Variants in CACNG6 observed in about 807,000 individuals in gnomAD.
CACNG6 encodes the protein voltage-dependent calcium channel gamma-6 subunit.
Under a neutral mutation model 23.9 loss-of-function variants are expected in CACNG6, and 21 were observed. That is an observed-to-expected ratio of 0.88 (90% confidence interval 0.62 to 1.26). The LOEUF (loss-of-function observed/expected upper bound fraction) is 1.26, where lower values mean the gene tolerates loss of function less well. CACNG6 is among the 50% of genes most tolerant of loss of function. CACNG6 has a pLI of 0.00. For missense variants in CACNG6, 340 were observed against 352.9 expected (o/e 0.96, Z 0.29); for synonymous variants, 182 against 168.9 (o/e 1.08, Z -0.60).
At chr19:54,004,776 C>T (rs1340562530) in intron 3 of CACNG6, among the ~76,000 whole-genome samples, 1 of 152,086 alleles carries the variant, frequency 6.6e-6, no homozygotes, top group Non-Finnish European at 1.5e-5. Flanking sequence ...GTTCTTCCGC[C>T]GGCGCTTCAC....
At chr19:54,003,597 G>T (rs1185018417) in intron 3 of CACNG6, among the ~76,000 whole-genome samples, 1 of 152,082 alleles carries the variant, frequency 6.6e-6, no homozygotes, top group East Asian at 1.9e-4. Flanking sequence ...CTGACCTCAG[G>T]TGATCCACCT....
intron 3 of CACNG6, among the ~76,000 whole-genome samples, chr19:54,008,558 G>C (rs1004610705): frequency 6.6e-6 from 1 of 151,852 alleles, no homozygotes; most frequent in Non-Finnish European, 1.5e-5. Context: ...TTCCATTACC[G>C]CCTCTCTCCC....
At chr19:53,995,837 T>C (rs557935016) in intron 1 of CACNG6, among the ~76,000 whole-genome samples, 2 of 152,286 alleles carry the variant, frequency 1.3e-5, no homozygotes, top group South Asian at 4.1e-4. Context: ...AATTTTTGTA[T>C]TTTTAGTAGA....
rs2069721360 is a variant in CACNG6 at position 54,012,002 on chromosome 19, T to C, written c.596T>C (p.Leu199Pro). ...GTGTTCCGGCATTCCGTGAGGGCCCTGCTGCAGAGAGTCAGCCCGGAGCCT... is the reference window on the plus strand; with the variant it reads ...GTGTTCCGGCATTCCGTGAGGGCCCCGCTGCAGAGAGTCAGCCCGGAGCCT... ...LEVFRHSVRA[L>P]LQRVSPEPPP... The change falls in exon 4 of 4, where the codon CTG (leucine) becomes CCG (proline). Residue 199 changes from leucine (L) to proline (P), a missense_variant. Physicochemically the swap from Leu to Pro is moderately conservative, Grantham distance 98. Transcript: ENST00000252729. 6.2e-7 allele frequency: 1 copy of C among 1,601,560 alleles called. No individual in the cohort carries two copies. Among genetic ancestry groups the C allele is most frequent in the East Asian group, 2.3e-5 (1 of 43,132 alleles).
chr19:53,993,270 C>T lies in CACNG6; in HGVS notation c.331+62C>T, dbSNP rs535906234. 1.7e-4 allele frequency: 244 copies of T among 1,463,462 alleles called. No individual in the cohort carries two copies. The African/African-American group carries it at 3.0e-3, about 18-fold the overall frequency. The allele number at this position is 1,463,462 out of a possible 1,614,324, so 90.7% of individuals were successfully genotyped here. A position where few individuals can be genotyped will look rare whatever the true frequency, so the allele number is the denominator to read the frequency against. On this transcript the variant is annotated intron_variant, in intron 1 of 3. Coordinates refer to ENST00000252729, the MANE Select transcript of CACNG6 (RefSeq NM_145814.2). ...CCACGGACAGGGAGGGAGAGGGGCC[C>T]GTGTCCGAGGAGAAAACCCGCCCCA...
At position 53,993,703 on chromosome 19, in the gene CACNG6, C is replaced by G. The variant is rs780568969; in HGVS notation, c.331+495C>G. Among the ~76,000 whole-genome samples, 17 of 151,142 alleles carry G rather than the reference C, an allele frequency of 1.1e-4. 1 individual carries two copies. The highest frequency in any genetic ancestry group is 2.2e-4 in the Non-Finnish European group (15 of 67,750). On this transcript the variant is annotated intron_variant, in intron 1 of 3. Transcript: ENST00000252729. ...GTGTCCCCAGCTACAGTTTCCACCC[C>G]CAGACTAACATGCACCCCTAGACCA...
chr19:54,001,083 GTTCCAGCCCAAGC>G (rs2069570512), intron 3 of CACNG6, among the ~76,000 whole-genome samples: 1 of 152,146 alleles, frequency 6.6e-6, no homozygotes, highest in Non-Finnish European at 1.5e-5. Flanking sequence ...CTGCCTCTAG[GTTCCAGCCCAAGC>G]TGTGCCCTGA....
intron 3 of CACNG6, among the ~76,000 whole-genome samples, chr19:54,008,936 A>G (rs1488860680): frequency 6.6e-6 from 1 of 152,220 alleles, no homozygotes; most frequent in East Asian, 1.9e-4. Flanking sequence ...CAGTGTGTAA[A>G]GATTTCTTCG....
intron 3 of CACNG6, among the ~76,000 whole-genome samples, chr19:54,007,102 G>A (rs1052522820): frequency 1.3e-5 from 2 of 152,102 alleles, no homozygotes; most frequent in Non-Finnish European, 2.9e-5. Flanking sequence ...AGGCTGAAGT[G>A]CAGTGGTTCG....
chr19:54,003,194 C>G (rs2069597863), intron 3 of CACNG6, among the ~76,000 whole-genome samples: 1 of 151,946 alleles, frequency 6.6e-6, no homozygotes, highest in Non-Finnish European at 1.5e-5. Flanking sequence ...AAGACAGGCT[C>G]AGGGAGGGGG....
chr19:54,008,691 C>A (rs187217352), intron 3 of CACNG6, among the ~76,000 whole-genome samples: 7 of 152,356 alleles, frequency 4.6e-5, no homozygotes, highest in African/African-American at 1.4e-4. Context: ...GCCGTTGCTT[C>A]GTTTTGAGCA....
intron 3 of CACNG6, 48 bp downstream of exon 3, chr19:53,999,819 T>A (rs201359926): frequency 6.2e-6 from 10 of 1,601,798 alleles, no homozygotes; most frequent in Non-Finnish European, 8.5e-6. Context: ...GCTGGGAGGA[T>A]CTCCAGGCAC....
rs1156831989 is a variant in CACNG6, at chr19:54,012,593, G to A, written c.*404G>A. The A allele has an allele frequency of 6.1e-6, 1 of 164,408 alleles. No homozygotes were observed. Among genetic ancestry groups the A allele is most frequent in the Non-Finnish European group, 1.3e-5 (1 of 76,742 alleles). 10.2% of individuals were successfully genotyped at this position (164,408 alleles called of 1,614,324 possible). A position where few individuals can be genotyped will look rare whatever the true frequency, so the allele number is the denominator to read the frequency against. On this transcript the variant is annotated 3_prime_UTR_variant, in exon 4 of 4. Transcript: ENST00000252729. ...TTTTACAACTCATCTGCAGCTCCGG[G>A]TGCGGTTGGGGGAGATAGCGAAGGG...
chr19:54,004,335 T>TTGTGTGTGTGTG (rs4022332), intron 3 of CACNG6, among the ~76,000 whole-genome samples: 1 of 107,270 alleles, frequency 9.3e-6, no homozygotes, highest in Admixed American at 9.5e-5. Flanking sequence ...TTTTGTATTT[T>TTGTGTGTGTGTG]TGTGTGTGTG....
chr19:53,999,546 A>G, intron 2 of CACNG6, 88 bp from the exon 3 acceptor site: 1 of 1,463,612 alleles, frequency 6.8e-7, no homozygotes, highest in Non-Finnish European at 9.2e-7. Context: ...CGAATCTTAC[A>G]TCTTCCTGGT....
At chr19:54,007,912 A>G (rs940294109) in intron 3 of CACNG6, among the ~76,000 whole-genome samples, 3 of 118,174 alleles carry the variant, frequency 2.5e-5, no homozygotes, top group African/African-American at 1.6e-4. Flanking sequence ...AGAGAAAAGA[A>G]AAAAAAAAAA....
At position 53,992,844 on chromosome 19, in the gene CACNG6, C is replaced by T. The variant is rs759681243; in HGVS notation, c.-34C>T. ...CCCTCGAGGCCCTTCGCCGGCTCTG[C>T]CTCCTCCCCCTTCCCGACCCCACCG... On this transcript the variant is annotated 5_prime_UTR_variant, in exon 1 of 4. Transcript: ENST00000252729. The surrounding 1 kb of genome is among the most constrained non-coding windows in gnomAD (Gnocchi z 4.1). 18 of 1,352,254 alleles carry T rather than the reference C, an allele frequency of 1.3e-5. No individual in the cohort carries two copies. The highest frequency in any genetic ancestry group is 1.6e-5 in the Non-Finnish European group (17 of 1,043,976). 83.8% of individuals were successfully genotyped at this position (1,352,254 alleles called of 1,614,324 possible).
At chr19:53,996,763 C>G (rs2069524990) in intron 1 of CACNG6, among the ~76,000 whole-genome samples, 1 of 151,836 alleles carries the variant, frequency 6.6e-6, no homozygotes, top group Non-Finnish European at 1.5e-5. Context: ...TTGATATACA[C>G]TCACAGATAT....
At chr19:53,994,638 C>T (rs974027901) in intron 1 of CACNG6, among the ~76,000 whole-genome samples, 35 of 152,198 alleles carry the variant, frequency 2.3e-4, no homozygotes, top group African/African-American at 7.7e-4. Flanking sequence ...ACGGTCCTAT[C>T]ATCCCAGTGC....
Sources: gnomAD v4.1 joint callset for allele counts (sites outside exome capture counted in the v4.1 genomes callset) on GRCh38, gnomAD v4.1.1 for gene constraint, Gnocchi (gnomAD v3.1) non-coding constraint, MANE v1.5 for transcripts, NCBI Gene and HGNC (gene_info 2026-07-23, HGNC 2026-07-21) for gene names.